EFCAB6: variants seen among roughly 807,000 people sequenced by gnomAD.
The protein encoded by EFCAB6 is EF-hand calcium binding domain 6.
A neutral mutation model predicts 169.8 loss-of-function variants in EFCAB6; 156 were observed. The ratio of observed to expected loss-of-function variants is 0.92; its 90% confidence interval spans 0.81 to 1.05. The LOEUF (loss-of-function observed/expected upper bound fraction) is 1.05, where lower values mean the gene tolerates loss of function less well. Among genes scored for constraint, EFCAB6 ranks in the 50% least tolerant of loss-of-function variants. The probability of loss-of-function intolerance (pLI) is 0.00; values close to 1 mark genes in which losing one functional copy is unlikely to be tolerated. For missense variants in EFCAB6, 1,800 were observed against 1,829.1 expected (o/e 0.98, Z 0.29); for synonymous variants, 698 against 676.4 (o/e 1.03, Z -0.50).
rs573963222 is a variant in EFCAB6 at position 43,579,583 on chromosome 22, C to A, written c.3228+881G>T. On this transcript the variant is annotated intron_variant, in intron 25 of 31. Coordinates refer to ENST00000262726, the MANE Select transcript of EFCAB6 (RefSeq NM_022785.4). ...CCCTACACGCAGGCATCATTCCCTA[C>A]ACGCAGGCATCATTCCCTGCATGCA... Among the ~76,000 whole-genome samples, 8 of 150,994 alleles carry A rather than the reference C, an allele frequency of 5.3e-5. No individual in the cohort carries two copies. In the East Asian group the frequency reaches 1.6e-3, roughly 30 times the overall value.
intron 17 of EFCAB6, among the ~76,000 whole-genome samples, chr22:43,663,969 A>G (rs937541219): frequency 1.3e-5 from 2 of 152,212 alleles, no homozygotes; most frequent in African/African-American, 4.8e-5. Context: ...ACTAAGGCAA[A>G]GTCCTTGCTG....
intron 26 of EFCAB6, among the ~76,000 whole-genome samples, chr22:43,566,005 G>C (rs1196342383): frequency 1.9e-5 from 1 of 52,592 alleles, no homozygotes; most frequent in African/African-American, 8.0e-5. Flanking sequence ...CAGGAAAACT[G>C]CCTGTCAAAA....
Position 43,600,217 on chromosome 22 carries a change from G to A in EFCAB6, c.2728C>T (p.Gln910Ter), listed in dbSNP as rs1322915668. ...GGCGAATAGTTAATACCCAATTTCT[G>A]TAAAAATTCCTGGTAAGTAATGTGC... ...KGHITYQEFL[Q>*]KLGINYSPAV... Residue 910 changes from glutamine (Q) to a stop codon, truncating the protein, a stop_gained, in exon 23 of 32, where the codon CAG becomes TAG. Coordinates refer to ENST00000262726, the MANE Select transcript of EFCAB6 (RefSeq NM_022785.4). LOFTEE classifies it high-confidence loss of function. The A allele has an allele frequency of 6.2e-7, 1 of 1,614,126 alleles. No individual in the cohort carries two copies.
chr22:43,578,926 G>T (rs766082911), intron 25 of EFCAB6, among the ~76,000 whole-genome samples: 6 of 148,746 alleles, frequency 4.0e-5, no homozygotes, highest in Admixed American at 2.7e-4. Flanking sequence ...TTCCGTACAC[G>T]TAGGCATCAT....
At chr22:43,643,712 T>C (rs2147994574) in intron 17 of EFCAB6, among the ~76,000 whole-genome samples, 1 of 152,330 alleles carries the variant, frequency 6.6e-6, no homozygotes, top group Middle Eastern at 3.4e-3. Context: ...CTTCACCAAC[T>C]GTTGTGTGCC....
At chr22:43,673,049 G>C (rs972897159) in intron 13 of EFCAB6, among the ~76,000 whole-genome samples, 5 of 152,276 alleles carry the variant, frequency 3.3e-5, no homozygotes, top group South Asian at 2.1e-4. Context: ...CTGCACAGGT[G>C]GGGGTTTCAG....
At chr22:43,803,425 A>T (rs1054678081) in intron 2 of EFCAB6, among the ~76,000 whole-genome samples, 1 of 152,210 alleles carries the variant, frequency 6.6e-6, no homozygotes, top group East Asian at 1.9e-4. Flanking sequence ...AGTCGGTTGA[A>T]GAAGGGAGTT....
intron 21 of EFCAB6, among the ~76,000 whole-genome samples, chr22:43,609,983 C>T (rs1420705612): frequency 6.6e-6 from 1 of 152,086 alleles, no homozygotes; most frequent in Non-Finnish European, 1.5e-5. Flanking sequence ...AGCTGGACTT[C>T]CATATGGAGG....
chr22:43,634,340 T>A (rs770297480), intron 18 of EFCAB6, among the ~76,000 whole-genome samples: 3 of 151,882 alleles, frequency 2.0e-5, no homozygotes, highest in Non-Finnish European at 4.4e-5. Context: ...CTCTAAGGGG[T>A]GGCAAATGAC....
intron 9 of EFCAB6, among the ~76,000 whole-genome samples, chr22:43,715,307 C>G (rs1010698536): frequency 6.6e-6 from 1 of 152,144 alleles, no homozygotes; most frequent in South Asian, 2.1e-4. Context: ...TGTTTACACT[C>G]AGCCCCAGGA....
chr22:43,581,774 G>A (rs1369826534), intron 24 of EFCAB6, among the ~76,000 whole-genome samples: 1 of 152,204 alleles, frequency 6.6e-6, no homozygotes, highest in Non-Finnish European at 1.5e-5. Context: ...CCAACCCACA[G>A]CTGCAGAGCC....
chr22:43,671,409 G>A (rs1021696015), intron 15 of EFCAB6, among the ~76,000 whole-genome samples: 13 of 151,884 alleles, frequency 8.6e-5, no homozygotes, highest in Non-Finnish European at 1.3e-4. Context: ...TCCATGAGTT[G>A]ATTGTGTATC....
In EFCAB6 at chr22:43,782,334, TAAAAGAA is replaced by T; in HGVS notation, c.-7-16_-7-10del. The T allele has an allele frequency of 6.2e-7, 1 of 1,609,808 alleles. No homozygotes were observed. Reference sequence around the variant, plus strand: ...TTTTGCACATTAAATCCCTGTGATATAAAAGAAAACAGATTACGTTACCTTAAAGAGC... The same window carrying T: ...TTTTGCACATTAAATCCCTGTGATATAACAGATTACGTTACCTTAAAGAGC... On this transcript the variant is annotated splice_polypyrimidine_tract_variant and intron_variant, in intron 2 of 31. Coordinates refer to ENST00000262726, the MANE Select transcript of EFCAB6 (RefSeq NM_022785.4).
chr22:43,671,905 G>C (rs559041576), intron 15 of EFCAB6, 68 bp downstream of exon 15: 97 of 1,545,440 alleles, frequency 6.3e-5, no homozygotes, highest in Non-Finnish European at 7.7e-5. Context: ...ACACAGAAAA[G>C]GTTTAGAATT....
At chr22:43,710,262 T>C (rs184807728) in intron 10 of EFCAB6, among the ~76,000 whole-genome samples, 85 of 152,310 alleles carry the variant, frequency 5.6e-4, no homozygotes, top group Non-Finnish European at 9.4e-4. Context: ...CCTGGAACGT[T>C]TGTCATACCA....
chr22:43,730,881 G>T (rs1253007329), intron 8 of EFCAB6, among the ~76,000 whole-genome samples: 2 of 152,172 alleles, frequency 1.3e-5, no homozygotes, highest in East Asian at 3.8e-4. Flanking sequence ...CTGAGAATCT[G>T]CCATTTTTCA....
chr22:43,722,088 C>T (rs2179317), intron 8 of EFCAB6, among the ~76,000 whole-genome samples: 60,969 of 151,856 alleles, frequency 0.4, 13,552 homozygotes, highest in East Asian at 0.83. Flanking sequence ...ACAAAGGACA[C>T]GAACAGACAC....
chr22:43,784,326 C>G (rs1447180044), intron 2 of EFCAB6, among the ~76,000 whole-genome samples: 2 of 151,454 alleles, frequency 1.3e-5, no homozygotes, highest in Admixed American at 6.6e-5. Flanking sequence ...TGCCAGCAGA[C>G]TTACTTCCAA....
At chr22:43,788,363 A>T (rs529485513) in intron 2 of EFCAB6, among the ~76,000 whole-genome samples, 1 of 152,342 alleles carries the variant, frequency 6.6e-6, no homozygotes, top group African/African-American at 2.4e-5. Flanking sequence ...AGAATATATT[A>T]GGAACTCTTA....
Sources: gnomAD v4.1 joint callset for allele counts (sites outside exome capture counted in the v4.1 genomes callset) on GRCh38, gnomAD v4.1.1 for gene constraint, MANE v1.5 for transcripts, NCBI Gene and HGNC (gene_info 2026-07-23, HGNC 2026-07-21) for gene names.